Variants in GPR158 observed in about 807,000 individuals in gnomAD.
The protein encoded by GPR158 is metabotropic glycine receptor.
A neutral mutation model predicts 78.2 loss-of-function variants in GPR158; 30 were observed. That is an observed-to-expected ratio of 0.38 (90% CI 0.29 to 0.52). The LOEUF is 0.52. Ranked by LOEUF, GPR158 falls within the 20% of genes least tolerant of loss-of-function variation. The probability of loss-of-function intolerance (pLI) is 0.83; values close to 1 mark genes in which losing one functional copy is unlikely to be tolerated. For synonymous variants in GPR158, 581 were observed against 591.1 expected, an observed-to-expected ratio of 0.98 and a Z score of 0.25; for missense variants, 1,463 against 1,523.5, an observed-to-expected ratio of 0.96 and a Z score of 0.66.
chr10:25,567,597 G>T (rs944110383), intron 6 of GPR158, among the ~76,000 whole-genome samples: 1 of 152,124 alleles, frequency 6.6e-6, no homozygotes, highest in African/African-American at 2.4e-5. Flanking sequence ...TGGGAGGAGG[G>T]ATGGTGAGGA....
chr10:25,560,237 A>G (rs1836843669), intron 6 of GPR158, among the ~76,000 whole-genome samples: 1 of 152,154 alleles, frequency 6.6e-6, no homozygotes, highest in South Asian at 2.1e-4. Flanking sequence ...AATGGTAAGT[A>G]GGATTTTTTA....
At chr10:25,355,863 C>A (rs1855543312) in intron 2 of GPR158, among the ~76,000 whole-genome samples, 1 of 152,010 alleles carries the variant, frequency 6.6e-6, no homozygotes, top group Non-Finnish European at 1.5e-5. Context: ...AAAGAACAAA[C>A]CTCCAATAGT....
chr10:25,521,804 A>G (rs1313514219), intron 5 of GPR158, among the ~76,000 whole-genome samples: 1 of 152,204 alleles, frequency 6.6e-6, no homozygotes, highest in South Asian at 2.1e-4. Flanking sequence ...TGCTGATGGT[A>G]TGAAAGCAAT....
chr10:25,439,712 C>G (rs891747146), intron 4 of GPR158, among the ~76,000 whole-genome samples: 5 of 152,164 alleles, frequency 3.3e-5, no homozygotes, highest in Non-Finnish European at 5.9e-5. Flanking sequence ...CCCTCCACTC[C>G]TTGGATATTT....
At chr10:25,203,765 TTAAAG>T (rs2130658709) in intron 1 of GPR158, among the ~76,000 whole-genome samples, 1 of 145,078 alleles carries the variant, frequency 6.9e-6, no homozygotes, top group African/African-American at 2.6e-5. Flanking sequence ...CATATGAACT[TTAAAG>T]TAGTTTTTTT....
At chr10:25,535,518 T>A (rs1284490326) in intron 5 of GPR158, among the ~76,000 whole-genome samples, 1 of 152,198 alleles carries the variant, frequency 6.6e-6, no homozygotes, top group African/African-American at 2.4e-5. Flanking sequence ...TTCTCCAGTT[T>A]AGCCTTCAGA....
chr10:25,236,131 GTGTCATTCACCAC>G (rs1385612016), intron 2 of GPR158, among the ~76,000 whole-genome samples: 16 of 152,284 alleles, frequency 1.1e-4, no homozygotes, highest in African/African-American at 3.1e-4. Context: ...AACCAAATTA[GTGTCATTCACCAC>G]TGTCTCAAGT....
chr10:25,227,787 T>C (rs1359638407), intron 2 of GPR158, among the ~76,000 whole-genome samples: 5 of 152,182 alleles, frequency 3.3e-5, no homozygotes, highest in African/African-American at 1.2e-4. Context: ...ATGTACTAAA[T>C]TTTCTAGGTG....
intron 2 of GPR158, among the ~76,000 whole-genome samples, chr10:25,315,840 A>C (rs1854839919): frequency 1.3e-5 from 2 of 152,024 alleles, no homozygotes; most frequent in Non-Finnish European, 2.9e-5. Flanking sequence ...CTGTTGTTAA[A>C]ATGTCACCCT....
chr10:25,598,713 A>G lies in GPR158; in HGVS notation c.3087A>G (p.Val1029=), dbSNP rs1404066014. The G allele has an allele frequency of 1.9e-6, 3 of 1,614,048 alleles. No homozygotes were observed. Among genetic ancestry groups the G allele is most frequent in the Non-Finnish European group, 2.5e-6 (3 of 1,179,994 alleles). Residue 1029 remains valine (V), a synonymous_variant, in exon 11 of 11, where the codon GTA becomes GTG. Transcript: ENST00000376351. The stretch of plus-strand genomic sequence containing the variant: ...CAGAATCAAAAGTTCAAAAGCACGT[A>G]TCTATTGTGGCTTCTGAAATGGAGA... ...VPSESKVQKH[V]SIVASEMEKN... is the part of the protein sequence containing the mutation.
intron 7 of GPR158, among the ~76,000 whole-genome samples, chr10:25,587,283 G>T (rs1234869280): frequency 2.0e-5 from 3 of 152,142 alleles, no homozygotes; most frequent in African/African-American, 7.2e-5. Flanking sequence ...TTTAAGACTG[G>T]GAGGATCAAT....
chr10:25,314,905 T>TACAC (rs34451547), intron 2 of GPR158, among the ~76,000 whole-genome samples: 37 of 137,384 alleles, frequency 2.7e-4, no homozygotes, highest in African/African-American at 9.3e-4. Context: ...AGTTTACACA[T>TACAC]ACACACACAC....
At chr10:25,454,767 TCTTA>T (rs902857269) in intron 4 of GPR158, among the ~76,000 whole-genome samples, 1 of 152,208 alleles carries the variant, frequency 6.6e-6, no homozygotes, top group African/African-American at 2.4e-5. Context: ...ATTTTCCTTC[TCTTA>T]CTTTTTTATC....
Position 25,477,164 on chromosome 10 carries a change from T to G in GPR158, c.1404+10445T>G, listed in dbSNP as rs569505335. On this transcript the variant is annotated intron_variant, in intron 5 of 10. Transcript: ENST00000376351. The stretch of plus-strand genomic sequence containing the variant: ...AAAAACCCATCCAGAGCATAGGTAT[T>G]GCCCTGAAGCAGAAGAAAAACAAGA... Among the ~76,000 whole-genome samples, 75 of 152,174 alleles carry G rather than the reference T, an allele frequency of 4.9e-4. No homozygotes were observed. In the South Asian group the frequency reaches 0.015, roughly 30 times the overall value.
chr10:25,510,324 T>G (rs1564474948), intron 5 of GPR158, among the ~76,000 whole-genome samples: 1 of 152,198 alleles, frequency 6.6e-6, no homozygotes, highest in Non-Finnish European at 1.5e-5. Flanking sequence ...AAAAAGTATA[T>G]ACTATATAGC....
intron 2 of GPR158, among the ~76,000 whole-genome samples, chr10:25,298,114 T>C (rs1261565330): frequency 6.6e-6 from 1 of 152,210 alleles, no homozygotes; most frequent in Non-Finnish European, 1.5e-5. Context: ...ATTTAGATTA[T>C]ATTCTATATA....
intron 2 of GPR158, among the ~76,000 whole-genome samples, chr10:25,385,502 A>G (rs993808059): frequency 6.6e-6 from 1 of 152,148 alleles, no homozygotes. Context: ...TTGCAAGACC[A>G]TATAGTAATT....
At chr10:25,410,329 C>T (rs1408482081) in intron 3 of GPR158, among the ~76,000 whole-genome samples, 1 of 152,088 alleles carries the variant, frequency 6.6e-6, no homozygotes, top group African/African-American at 2.4e-5. Context: ...TAAATATTAA[C>T]AATCTCAACC....
intron 2 of GPR158, among the ~76,000 whole-genome samples, chr10:25,270,051 A>G (rs1854096230): frequency 6.6e-6 from 1 of 152,126 alleles, no homozygotes; most frequent in Non-Finnish European, 1.5e-5. Context: ...TGGTTCAAGG[A>G]CAAAGATTTT....
Sources: gnomAD v4.1 joint callset for allele counts (sites outside exome capture counted in the v4.1 genomes callset) on GRCh38, gnomAD v4.1.1 for gene constraint, MANE v1.5 for transcripts, NCBI Gene and HGNC (gene_info 2026-07-23, HGNC 2026-07-21) for gene names.